The following PCMTD1 variants were observed in gnomAD, a reference collection of about 807,000 sequenced individuals.
PCMTD1 encodes the protein protein-L-isoaspartate O-methyltransferase domain-containing protein 1.
Under a neutral mutation model 37.6 loss-of-function variants are expected in PCMTD1, and 12 were observed. The observed-to-expected ratio is 0.32, with a 90% CI of 0.20 to 0.52. The LOEUF is 0.52. Among genes scored for constraint, PCMTD1 ranks in the 20% least tolerant of loss-of-function variants. The pLI is 0.97. For missense variants in PCMTD1, 235 were observed against 421.3 expected, an observed-to-expected ratio of 0.56 and a Z score of 3.87; for synonymous variants, 117 against 135.8, an observed-to-expected ratio of 0.86 and a Z score of 0.96.
chr8:51,874,263 C>T (rs902195076), intron 1 of PCMTD1, among the ~76,000 whole-genome samples: 92 of 152,314 alleles, frequency 6.0e-4, no homozygotes, highest in Non-Finnish European at 2.8e-4. Context: ...AGAACACCAT[C>T]CAAACTGAGT....
At chr8:51,833,339 T>C (rs1366887758) in intron 4 of PCMTD1, among the ~76,000 whole-genome samples, 179 bp downstream of exon 4, 1 of 151,590 alleles carries the variant, frequency 6.6e-6, no homozygotes, top group Admixed American at 6.6e-5. Context: ...CTTTTCTCTA[T>C]CTCCTTTGTT....
At chr8:51,861,950 G>C (rs953083618) in intron 1 of PCMTD1, among the ~76,000 whole-genome samples, 6 of 152,134 alleles carry the variant, frequency 3.9e-5, no homozygotes, top group African/African-American at 1.4e-4. Flanking sequence ...CTGAGCTCAA[G>C]AGATCCATCC....
At chr8:51,892,679 T>G (rs1183691514) in intron 1 of PCMTD1, among the ~76,000 whole-genome samples, 1 of 152,248 alleles carries the variant, frequency 6.6e-6, no homozygotes, top group African/African-American at 2.4e-5. Flanking sequence ...TAGCTGTAGC[T>G]ATCTATAATA....
At chr8:51,896,496 G>T (rs2039003724) in intron 1 of PCMTD1, 1 of 152,058 alleles carries the variant, frequency 6.6e-6, no homozygotes, top group Non-Finnish European at 1.5e-5. Context: ...ACTGATATGA[G>T]ACTATCCTTC....
rs2037776998 is a variant in PCMTD1 at position 51,817,627 on chromosome 8, C to A, written c.*2724G>T. On this transcript the variant is annotated 3_prime_UTR_variant, in exon 6 of 6. Coordinates refer to ENST00000522514, the MANE Select transcript of PCMTD1 (RefSeq NM_052937.4). ...TATTTAAAATAATTTTCCAAGTCTT[C>A]CAATGATTTAACAGGCTTTGCTTCA... The A allele has an allele frequency of 5.1e-6, 1 of 197,694 alleles. No individual in the cohort carries two copies. Among genetic ancestry groups the A allele is most frequent in the Admixed American group, 5.9e-5 (1 of 16,996 alleles). 12.2% of individuals were successfully genotyped at this position (197,694 alleles called of 1,614,324 possible). A position where few individuals can be genotyped will look rare whatever the true frequency, so the allele number is the denominator to read the frequency against.
At chr8:51,820,912 G>A (rs1185265505) in intron 5 of PCMTD1, among the ~76,000 whole-genome samples, 194 bp from the exon 6 acceptor site, 1 of 152,118 alleles carries the variant, frequency 6.6e-6, no homozygotes, top group Non-Finnish European at 1.5e-5. Flanking sequence ...TGGCACTGAA[G>A]TTAAAATGTA....
chr8:51,873,777 A>C (rs1173429281), intron 1 of PCMTD1, among the ~76,000 whole-genome samples: 2 of 152,144 alleles, frequency 1.3e-5, no homozygotes, highest in Admixed American at 1.3e-4. Flanking sequence ...CATGAGTAAA[A>C]GCTTCTTGGG....
At chr8:51,861,472 A>G (rs1367310996) in intron 1 of PCMTD1, among the ~76,000 whole-genome samples, 4 of 152,214 alleles carry the variant, frequency 2.6e-5, no homozygotes, top group African/African-American at 9.7e-5. Context: ...AAACTGGAAC[A>G]CAAAGAAGTC....
At chr8:51,839,997 T>C (rs1051186354) in intron 3 of PCMTD1, among the ~76,000 whole-genome samples, 1 of 152,222 alleles carries the variant, frequency 6.6e-6, no homozygotes, top group Non-Finnish European at 1.5e-5. Flanking sequence ...GATACACTGA[T>C]ACCATTCAAG....
chr8:51,829,725 G>T (rs116060475), intron 5 of PCMTD1, among the ~76,000 whole-genome samples: 3,784 of 152,170 alleles, frequency 0.025, 162 homozygotes, highest in African/African-American at 0.086. Flanking sequence ...AGCCGAGATC[G>T]TGCCACTGCA....
intron 1 of PCMTD1, among the ~76,000 whole-genome samples, chr8:51,866,209 A>G (rs952869184): frequency 1.3e-5 from 2 of 151,970 alleles, no homozygotes; most frequent in African/African-American, 4.8e-5. Context: ...CACAGAAATA[A>G]TAGTTAAAAT....
At chr8:51,828,234 A>T (rs533904469) in intron 5 of PCMTD1, among the ~76,000 whole-genome samples, 2 of 152,186 alleles carry the variant, frequency 1.3e-5, no homozygotes, top group East Asian at 1.9e-4. Flanking sequence ...GTGTCAGAAA[A>T]TTTTTTTCAT....
At chr8:51,878,919 G>A (rs1338307370) in intron 1 of PCMTD1, among the ~76,000 whole-genome samples, 2 of 152,132 alleles carry the variant, frequency 1.3e-5, no homozygotes, top group Non-Finnish European at 2.9e-5. Flanking sequence ...GAGCCCAGGA[G>A]TTCGAGACCA....
chr8:51,855,227 G>GA (rs61373320), intron 2 of PCMTD1, among the ~76,000 whole-genome samples: 44 of 128,976 alleles, frequency 3.4e-4, no homozygotes, highest in African/African-American at 9.0e-4. Context: ...TTCCTAAAAA[G>GA]AAAAAAAAAA....
chr8:51,893,707 C>T (rs1225564827), intron 1 of PCMTD1, among the ~76,000 whole-genome samples: 1 of 152,064 alleles, frequency 6.6e-6, no homozygotes, highest in African/African-American at 2.4e-5. Context: ...CTTAAATAAA[C>T]AATATAATTA....
chr8:51,874,744 C>T (rs568898402), intron 1 of PCMTD1, among the ~76,000 whole-genome samples: 1 of 152,266 alleles, frequency 6.6e-6, no homozygotes, highest in East Asian at 1.9e-4. Context: ...CATTACCTAG[C>T]ATTTGGATAT....
At chr8:51,869,529 T>C (rs1316644307) in intron 1 of PCMTD1, among the ~76,000 whole-genome samples, 3 of 152,112 alleles carry the variant, frequency 2.0e-5, no homozygotes, top group Admixed American at 6.6e-5. Context: ...TTTAGTTATC[T>C]AGTAATGGCT....
At position 51,861,114 on chromosome 8, in the gene PCMTD1, T is replaced by A; in HGVS notation, c.38A>T (p.Asp13Val). The change falls in exon 2 of 6, where the codon GAC becomes GTC. Residue 13 changes from aspartate (D) to valine (V), a missense_variant. Asp to Val is a radical substitution (Grantham distance 152). This residue lies in a region of PCMTD1 where 183 missense variants were observed against 349.3 expected (regional missense o/e 0.52). Transcript: ENST00000522514. ...GAVSAGEDNDDLIDNLKEAQY... is the reference protein window; with the variant it reads ...GAVSAGEDNDVLIDNLKEAQY... Reference sequence around the variant, plus strand: ...AGCTTCTTTTAAATTATCAATTAAGTCATCATTATCTTCCCCAGCACTCAC... The same window carrying A: ...AGCTTCTTTTAAATTATCAATTAAGACATCATTATCTTCCCCAGCACTCAC... 6.2e-7 allele frequency: 1 copy of A among 1,613,994 alleles called. No individual in the cohort carries two copies. Among genetic ancestry groups the A allele is most frequent in the Non-Finnish European group, 8.5e-7 (1 of 1,179,902 alleles).
chr8:51,845,437 A>G (rs985616845), intron 3 of PCMTD1: 9 of 389,158 alleles, frequency 2.3e-5, no homozygotes, highest in African/African-American at 1.6e-4. Flanking sequence ...CATTACTAAT[A>G]AAGTTGTAGT....
Sources: allele counts gnomAD v4.1 joint callset (sites outside exome capture counted in the v4.1 genomes callset), GRCh38; gene constraint gnomAD v4.1.1; regional missense constraint gnomAD v4.1.1; transcripts MANE v1.5; gene names NCBI Gene and HGNC (gene_info 2026-07-23, HGNC 2026-07-21).